CAB39L: variants seen among roughly 807,000 people sequenced by gnomAD.
CAB39L encodes the protein calcium-binding protein 39-like.
Under a neutral mutation model 39.1 loss-of-function variants are expected in CAB39L, and 23 were observed. The ratio of observed to expected loss-of-function variants is 0.59; its 90% CI spans 0.42 to 0.83. CAB39L has a LOEUF of 0.83. CAB39L is among the 40% of genes least tolerant of loss of function. The pLI, the probability that CAB39L is intolerant of heterozygous loss-of-function variation, is 0.00. For synonymous variants in CAB39L, 126 were observed against 137.2 expected, an observed-to-expected ratio of 0.92 and a Z score of 0.57; for missense variants, 366 against 391.9, an observed-to-expected ratio of 0.93 and a Z score of 0.56.
chr13:49,339,152 T>C (rs1039395072), intron 9 of CAB39L, among the ~76,000 whole-genome samples: 1 of 138,484 alleles, frequency 7.2e-6, no homozygotes, highest in African/African-American at 2.8e-5. Flanking sequence ...TTTTTTGAGA[T>C]GGAGTTCCGC....
intron 8 of CAB39L, among the ~76,000 whole-genome samples, chr13:49,342,118 T>C (rs939042675): frequency 1.2e-4 from 18 of 152,276 alleles, no homozygotes; most frequent in South Asian, 2.1e-4. Context: ...ATAGGCAGAG[T>C]AGGCCACACC....
At chr13:49,390,653 C>T (rs913327450) in intron 3 of CAB39L, among the ~76,000 whole-genome samples, 1 of 152,036 alleles carries the variant, frequency 6.6e-6, no homozygotes, top group Non-Finnish European at 1.5e-5. Context: ...AAAATAAGAA[C>T]AGGCTGCTAT....
intron 3 of CAB39L, among the ~76,000 whole-genome samples, chr13:49,406,382 A>G (rs9535230): frequency 0.43 from 59,219 of 136,276 alleles, 12,845 homozygotes; most frequent in Middle Eastern, 0.55. Context: ...GGGTTTCACC[A>G]TGTTAGCCAG....
At chr13:49,425,637 C>G (rs1277620646) in intron 3 of CAB39L, among the ~76,000 whole-genome samples, 1 of 152,146 alleles carries the variant, frequency 6.6e-6, no homozygotes, top group Middle Eastern at 3.2e-3. Context: ...TTGCCAACCC[C>G]TGGGCTAAAG....
chr13:49,426,449 C>T (rs568710580), intron 3 of CAB39L, among the ~76,000 whole-genome samples: 72 of 151,714 alleles, frequency 4.7e-4, no homozygotes, highest in African/African-American at 1.5e-3. Context: ...TTTTTTGAGA[C>T]GGAGTCTCGC....
chr13:49,372,101 TTG>T (rs1335840835), intron 5 of CAB39L, among the ~76,000 whole-genome samples: 1 of 152,120 alleles, frequency 6.6e-6, no homozygotes, highest in Admixed American at 6.5e-5. Context: ...TCTTATCACG[TTG>T]TGTTTCAAAA....
intron 10 of CAB39L, among the ~76,000 whole-genome samples, chr13:49,318,266 A>C (rs1239878266): frequency 6.6e-6 from 1 of 151,420 alleles, no homozygotes; most frequent in Non-Finnish European, 1.5e-5. Context: ...GTTCAAGTTC[A>C]AGACCAGCCT....
At chr13:49,344,615 G>A (rs1004528448) in intron 7 of CAB39L, among the ~76,000 whole-genome samples, 2 of 149,118 alleles carry the variant, frequency 1.3e-5, no homozygotes, top group African/African-American at 2.5e-5. Flanking sequence ...TCTGCCTCCC[G>A]GGTTCAAGCG....
chr13:49,352,616 C>T (rs1955387254), intron 6 of CAB39L, among the ~76,000 whole-genome samples: 1 of 151,900 alleles, frequency 6.6e-6, no homozygotes, highest in African/African-American at 2.4e-5. Flanking sequence ...TTAGCTGAGA[C>T]CCTGACTTTA....
At chr13:49,416,566 GGCAC>G (rs753131884) in intron 3 of CAB39L, among the ~76,000 whole-genome samples, 18 of 152,162 alleles carry the variant, frequency 1.2e-4, no homozygotes, top group Non-Finnish European at 2.4e-4. Context: ...TGGACCTGTA[GGCAC>G]TATGTAACGG....
chr13:49,431,300 C>T (rs1396096096), intron 3 of CAB39L, among the ~76,000 whole-genome samples: 2 of 152,112 alleles, frequency 1.3e-5, no homozygotes, highest in Non-Finnish European at 2.9e-5. Context: ...GGGGTTCATC[C>T]ACTTTGTTAC....
chr13:49,413,173 C>G (rs1230168110), intron 3 of CAB39L: 1 of 151,980 alleles, frequency 6.6e-6, no homozygotes, highest in African/African-American at 2.4e-5. Context: ...CACCTGAATA[C>G]AAAGTTTTGA....
chr13:49,444,019 G>T lies in CAB39L; in HGVS notation c.-279C>A, dbSNP rs1380879180. The T allele has an allele frequency of 8.8e-6, 4 of 456,608 alleles. No homozygotes were observed. In the East Asian group the frequency reaches 2.8e-4, roughly 32 times the overall value. 28.3% of individuals were successfully genotyped at this position (456,608 alleles called of 1,614,324 possible). ...ACAGCTGCGCCACCACTCCAGTGAT[G>T]CCGGCCTCTCGACTACGAGTAACTC... On this transcript the variant is annotated 5_prime_UTR_variant, in exon 1 of 11. Coordinates refer to ENST00000409308, the MANE Select transcript of CAB39L (RefSeq NM_001079670.3).
chr13:49,443,499 AGAG>A (rs1239828918), intron 1 of CAB39L, among the ~76,000 whole-genome samples: 1 of 152,154 alleles, frequency 6.6e-6, no homozygotes, highest in African/African-American at 2.4e-5. Context: ...AAAGGACGGA[AGAG>A]GAGGTCTCTT....
chr13:49,330,156 T>C (rs1161291789), intron 10 of CAB39L, among the ~76,000 whole-genome samples: 1 of 152,200 alleles, frequency 6.6e-6, no homozygotes, highest in East Asian at 1.9e-4. Flanking sequence ...ATACAGACAC[T>C]GTACTCAGCA....
chr13:49,429,484 T>C (rs556485122), intron 3 of CAB39L, among the ~76,000 whole-genome samples: 32 of 152,376 alleles, frequency 2.1e-4, no homozygotes, highest in Admixed American at 4.6e-4. Context: ...GTCACTCTCA[T>C]AGTCAATCCT....
intron 1 of CAB39L, among the ~76,000 whole-genome samples, chr13:49,440,436 C>G (rs1353610182): frequency 1.3e-5 from 2 of 152,064 alleles, no homozygotes; most frequent in Non-Finnish European, 2.9e-5. Flanking sequence ...TCTGGGCTCT[C>G]TATTCTGCTC....
intron 1 of CAB39L, among the ~76,000 whole-genome samples, chr13:49,434,543 T>C (rs1161271018): frequency 6.6e-6 from 1 of 152,142 alleles, no homozygotes; most frequent in Non-Finnish European, 1.5e-5. Flanking sequence ...CCTTGATAAA[T>C]TTTATGGTTT....
chr13:49,330,783 A>C (rs1161817640), intron 10 of CAB39L, among the ~76,000 whole-genome samples: 1 of 151,614 alleles, frequency 6.6e-6, no homozygotes, highest in Non-Finnish European at 1.5e-5. Context: ...ATCTATCAGA[A>C]GATAAGAATC....
Sources: allele counts gnomAD v4.1 joint callset (sites outside exome capture counted in the v4.1 genomes callset), GRCh38; gene constraint gnomAD v4.1.1; transcripts MANE v1.5; gene names NCBI Gene and HGNC (gene_info 2026-07-23, HGNC 2026-07-21).